TAFA2: variants seen among roughly 807,000 people sequenced by gnomAD.
TAFA2 encodes the protein chemokine-like protein TAFA-2.
Under a neutral mutation model 18.8 loss-of-function variants are expected in TAFA2, and 7 were observed. That is an observed-to-expected ratio of 0.37 (90% CI 0.21 to 0.70). The LOEUF is 0.70. TAFA2 is among the 30% of genes least tolerant of loss of function. TAFA2 has a pLI of 0.53. For missense variants in TAFA2, 122 were observed against 158.1 expected (o/e 0.77, Z 1.23); for synonymous variants, 60 against 54.2 (o/e 1.11, Z -0.47).
chr12:61,726,850 T>G (rs149556925), intron 4 of TAFA2, among the ~76,000 whole-genome samples: 322 of 152,266 alleles, frequency 2.1e-3, no homozygotes, highest in African/African-American at 7.4e-3. Context: ...TTCAGTATAA[T>G]GTTGGCTGTG....
At chr12:62,249,800 A>G (rs2062903762) in intron 1 of TAFA2, among the ~76,000 whole-genome samples, 1 of 152,178 alleles carries the variant, frequency 6.6e-6, no homozygotes, top group Non-Finnish European at 1.5e-5. Context: ...TTTAAGAGCA[A>G]GAGTTTCCAT....
intron 1 of TAFA2, 42 bp downstream of exon 1, chr12:62,191,216 TC>T: frequency 6.6e-6 from 1 of 151,378 alleles, no homozygotes. Context: ...GCCGCTCCGG[TC>T]CCCAGCGCTG....
At chr12:62,089,435 T>A (rs1164059676) in intron 1 of TAFA2, among the ~76,000 whole-genome samples, 2 of 152,102 alleles carry the variant, frequency 1.3e-5, no homozygotes, top group East Asian at 3.9e-4. Context: ...ACTCTAGTAG[T>A]GCCCAGGGAC....
At position 62,234,572 on chromosome 12, in the gene TAFA2, G is replaced by A. The variant is rs550430114; in HGVS notation, c.-130+24191C>T. 741 of 829,228 alleles carry A rather than the reference G, an allele frequency of 8.9e-4. 13 individuals carry two copies. Among genetic ancestry groups the A allele is most frequent in the South Asian group, 8.2e-3 (616 of 75,412 alleles). 51.4% of individuals were successfully genotyped at this position (829,228 alleles called of 1,614,324 possible). A position where few individuals can be genotyped will look rare whatever the true frequency, so the allele number is the denominator to read the frequency against. ...GTATGTCATCTACGCTCATTAGAACGGAAGAAAGACCATAAACACCTTTCC... is the reference window on the plus strand; with the variant it reads ...GTATGTCATCTACGCTCATTAGAACAGAAGAAAGACCATAAACACCTTTCC... On this transcript the variant is annotated intron_variant, in intron 1 of 5. Transcript: ENST00000551619.
intron 1 of TAFA2, among the ~76,000 whole-genome samples, chr12:61,996,174 C>T (rs193230177): frequency 3.2e-4 from 48 of 152,142 alleles, no homozygotes; most frequent in Admixed American, 1.1e-3. Flanking sequence ...TCAACACTTG[C>T]TATATACAGT....
At chr12:61,711,061 T>C (rs1039770749) in intron 4 of TAFA2, among the ~76,000 whole-genome samples, 2 of 152,132 alleles carry the variant, frequency 1.3e-5, no homozygotes, top group Non-Finnish European at 2.9e-5. Flanking sequence ...TAAAATTGAT[T>C]GGAATATACT....
chr12:61,714,489 AC>A (rs1869557130), intron 4 of TAFA2, among the ~76,000 whole-genome samples: 1 of 152,178 alleles, frequency 6.6e-6, no homozygotes, highest in Admixed American at 6.5e-5. Flanking sequence ...AGATCAAGGC[AC>A]CCACTTATCA....
At chr12:62,000,890 T>C in intron 1 of TAFA2, among the ~76,000 whole-genome samples, 1 of 152,216 alleles carries the variant, frequency 6.6e-6, no homozygotes, top group East Asian at 1.9e-4. Context: ...AGTGATAGGA[T>C]GCAGAATAGT....
At chr12:61,725,332 G>A (rs1870109942) in intron 4 of TAFA2, among the ~76,000 whole-genome samples, 1 of 151,902 alleles carries the variant, frequency 6.6e-6, no homozygotes, top group African/African-American at 2.4e-5. Flanking sequence ...ATTTGCTTTT[G>A]GGTTCTTTGT....
intron 2 of TAFA2, among the ~76,000 whole-genome samples, chr12:61,767,126 A>G (rs1869824044): frequency 6.6e-6 from 1 of 152,156 alleles, no homozygotes; most frequent in African/African-American, 2.4e-5. Flanking sequence ...TTGTTATATT[A>G]TAGAAGAAAC....
chr12:61,889,940 C>G (rs1875554548), intron 1 of TAFA2, among the ~76,000 whole-genome samples: 1 of 152,208 alleles, frequency 6.6e-6, no homozygotes, highest in Admixed American at 6.5e-5. Flanking sequence ...CCCACAATGA[C>G]TAGGATAAAT....
rs577940292 is a variant in TAFA2, at chr12:62,040,190, T to C, written c.-2+151069A>G. On this transcript the variant is annotated intron_variant, in intron 1 of 4. Coordinates refer to ENST00000416284, the MANE Select transcript of TAFA2 (RefSeq NM_178539.5). ...GACTCCAAACACCATGTTCTTTTCA[T>C]TACACTACAGTTGTTATTAAAGTCA... Among the ~76,000 whole-genome samples, 3 of 152,216 alleles carry C rather than the reference T, an allele frequency of 2.0e-5. No homozygotes were observed. The East Asian group carries it at 5.8e-4, about 29-fold the overall frequency.
intron 1 of TAFA2, among the ~76,000 whole-genome samples, chr12:61,888,276 A>G (rs191818176): frequency 6.6e-6 from 1 of 152,326 alleles, no homozygotes; most frequent in East Asian, 1.9e-4. Flanking sequence ...TGCTTTTATA[A>G]GTGTAGCCTA....
At chr12:61,961,521 A>G (rs1008195187) in intron 1 of TAFA2, among the ~76,000 whole-genome samples, 1 of 151,908 alleles carries the variant, frequency 6.6e-6, no homozygotes, top group Non-Finnish European at 1.5e-5. Flanking sequence ...CTCACATTCT[A>G]TAGTATTTTT....
rs541483273 is a variant in TAFA2, at chr12:61,936,493, AG to A, written c.-1-69068del. Among the ~76,000 whole-genome samples the A allele has an allele frequency of 2.3e-3, 347 of 152,248 alleles. 1 individual carries two copies. The highest frequency in any genetic ancestry group is 7.9e-3 in the African/African-American group (327 of 41,550). ...TGAGGCAGGAGAATCACTTGAACCC[AG>A]GAGATGAAGGTTGCAGTGAGCTGAG... On this transcript the variant is annotated intron_variant, in intron 1 of 4. Transcript: ENST00000416284.
intron 2 of TAFA2, among the ~76,000 whole-genome samples, chr12:61,846,745 G>T (rs753888300): frequency 3.3e-5 from 5 of 152,068 alleles, no homozygotes; most frequent in African/African-American, 4.8e-5. Flanking sequence ...TCCACCCAAT[G>T]ATAGCTCTGA....
chr12:61,750,183 C>A (rs1200694366), intron 4 of TAFA2, among the ~76,000 whole-genome samples: 3 of 151,826 alleles, frequency 2.0e-5, no homozygotes, highest in Admixed American at 1.3e-4. Flanking sequence ...TATTAATGAC[C>A]CTTTGAAAAG....
chr12:62,206,910 T>A (rs543882312), intron 1 of TAFA2: 41 of 152,320 alleles, frequency 2.7e-4, no homozygotes, highest in African/African-American at 9.6e-4. Flanking sequence ...ATTGAGTTCA[T>A]GATATAAAGA....
intron 2 of TAFA2, chr12:61,776,242 A>T (rs1870256646): frequency 5.3e-6 from 1 of 189,662 alleles, no homozygotes; most frequent in Non-Finnish European, 1.1e-5. Flanking sequence ...TTCCTGAAAC[A>T]TGTGAAGGAA....
Sources: allele counts gnomAD v4.1 joint callset (sites outside exome capture counted in the v4.1 genomes callset), GRCh38; gene constraint gnomAD v4.1.1; transcripts MANE v1.5; gene names NCBI Gene and HGNC (gene_info 2026-07-23, HGNC 2026-07-21).